Variants in ERFL observed in about 807,000 individuals in gnomAD.
ERFL encodes the protein ETS domain-containing transcription factor ERF-like.
A neutral mutation model predicts 27.9 loss-of-function variants in ERFL; 8 were observed. That is an observed-to-expected ratio of 0.29 (90% CI 0.17 to 0.52). The LOEUF (loss-of-function observed/expected upper bound fraction) is 0.52, where lower values mean the gene tolerates loss of function less well. Ranked by LOEUF, ERFL falls within the 20% of genes least tolerant of loss-of-function variation. The probability of loss-of-function intolerance (pLI) is 0.97; values close to 1 mark genes in which losing one functional copy is unlikely to be tolerated. For missense variants in ERFL, 294 were observed against 444.4 expected, an observed-to-expected ratio of 0.66 and a Z score of 3.04; for synonymous variants, 174 against 202.8, an observed-to-expected ratio of 0.86 and a Z score of 1.21.
chr19:41,915,561 G>A (rs1328119709), intron 1 of ERFL, among the ~76,000 whole-genome samples: 12 of 151,622 alleles, frequency 7.9e-5, no homozygotes, highest in Admixed American at 3.3e-4. Context: ...CCCTGTCTCC[G>A]TCTCCACATC....
Position 41,908,602 on chromosome 19 carries a change from A to T in ERFL, c.691T>A (p.Phe231Ile). ...GRAFPEYPWN[F>I]NPYLTGPFPK... The stretch of plus-strand genomic sequence containing the variant: ...AAGGGGCCCGTGAGGTACGGGTTAA[A>T]GTTCCAGGGGTACTCAGGGAAGGCG... Residue 231 changes from phenylalanine to isoleucine, a missense_variant, in exon 6 of 6, where the codon TTT becomes ATT. Coordinates refer to ENST00000597630, the MANE Select transcript of ERFL (RefSeq NM_001365103.2). This position sits in a 1 kb window ranked among gnomAD's most constrained non-coding sequence, Gnocchi z 6.7. 1 of 1,231,754 alleles carries T rather than the reference A, an allele frequency of 8.1e-7. No homozygotes were observed. Among genetic ancestry groups the T allele is most frequent in the Middle Eastern group, 3.1e-4 (1 of 3,212 alleles). 76.3% of individuals were successfully genotyped at this position (1,231,754 alleles called of 1,614,324 possible).
rs1465524979 is a variant in ERFL at position 41,908,874 on chromosome 19, G to GC, written c.616+185dup. On this transcript the variant is annotated intron_variant, in intron 5 of 5. Transcript: ENST00000597630. The surrounding 1 kb of genome is among the most constrained non-coding windows in gnomAD (Gnocchi z 6.7). ...TCCCATTCCTTAGGCACCCCTGAAA[G>GC]CCCCTGTCTCCCTCATTTCCCCTCC... 6.7e-6 allele frequency among the ~76,000 whole-genome samples: 1 copy of GC among 148,150 alleles called. No homozygotes were observed. Among genetic ancestry groups the GC allele is most frequent in the African/African-American group, 2.5e-5 (1 of 39,788 alleles).
chr19:41,919,299 C>T (rs541214225), intron 1 of ERFL, among the ~76,000 whole-genome samples: 45 of 152,276 alleles, frequency 3.0e-4, no homozygotes, highest in Non-Finnish European at 5.3e-4. Context: ...ACACAGACTT[C>T]GGCACAAGTT....
chr19:41,908,532 T>C lies in ERFL; in HGVS notation c.761A>G (p.Asn254Ser), dbSNP rs1599670038. Residue 254 changes from asparagine to serine, a missense_variant, in exon 6 of 6, where the codon AAC becomes AGC. Coordinates refer to ENST00000597630, the MANE Select transcript of ERFL (RefSeq NM_001365103.2). The surrounding 1 kb of genome is among the most constrained non-coding windows in gnomAD (Gnocchi z 6.7). Reference sequence around the variant, plus strand: ...GTGGCCCAGGGAACTGGCCAGAGGGTTGGGGTAGAAATGCGGGGGGTAGAG... The same window carrying C: ...GTGGCCCAGGGAACTGGCCAGAGGGCTGGGGTAGAAATGCGGGGGGTAGAG... ...PSLYPPHFYP[N>S]PLASSLGHLP... The C allele has an allele frequency of 1.5e-5, 18 of 1,231,212 alleles. No individual in the cohort carries two copies. The highest frequency in any genetic ancestry group is 3.2e-5 in the East Asian group (1 of 31,650). The allele number at this position is 1,231,212 out of a possible 1,614,324, so 76.3% of individuals were successfully genotyped here. A position where few individuals can be genotyped will look rare whatever the true frequency, so the allele number is the denominator to read the frequency against.
At position 41,908,146 on chromosome 19, in the gene ERFL, C is replaced by T. The variant is rs948379965; in HGVS notation, c.*82G>A. 33 of 1,124,294 alleles carry T rather than the reference C, an allele frequency of 2.9e-5. No individual in the cohort carries two copies. The highest frequency in any genetic ancestry group is 3.5e-5 in the Non-Finnish European group (31 of 889,900). The allele number at this position is 1,124,294 out of a possible 1,614,324, so 69.6% of individuals were successfully genotyped here. A position where few individuals can be genotyped will look rare whatever the true frequency, so the allele number is the denominator to read the frequency against. The stretch of plus-strand genomic sequence containing the variant: ...ACCTGGGAGGTGCTGAGGGCTGGTC[C>T]TGGGCCTTGGGCCAGGCATCAAGGG... On this transcript the variant is annotated 3_prime_UTR_variant, in exon 6 of 6. Transcript: ENST00000597630. The surrounding 1 kb of genome is among the most constrained non-coding windows in gnomAD (Gnocchi z 6.7).
At chr19:41,923,069 C>T in intron 1 of ERFL, 1 of 448,298 alleles carries the variant, frequency 2.2e-6, no homozygotes. Context: ...CCCCCTCTGA[C>T]CCAGGCCTTT....
At position 41,915,963 on chromosome 19, in the gene ERFL, C is replaced by G. The variant is rs376210275; in HGVS notation, c.-13-3031G>C. ...CTCCCCCCCGCCGGCCGGCGTGGTG[C>G]GGATGGGTACTCCAGGCAAGCTTTA... On this transcript the variant is annotated intron_variant, in intron 1 of 5. Coordinates refer to ENST00000597630, the MANE Select transcript of ERFL (RefSeq NM_001365103.2). Among the ~76,000 whole-genome samples the G allele has an allele frequency of 1.1e-4, 17 of 150,720 alleles. No homozygotes were observed. In the East Asian group the frequency reaches 1.8e-3, roughly 16 times the overall value.
chr19:41,921,796 G>A lies in ERFL; in HGVS notation c.-14+6244C>T, dbSNP rs868978355. On this transcript the variant is annotated intron_variant, in intron 1 of 5. Transcript: ENST00000597630. The surrounding 1 kb of genome is among the most constrained non-coding windows in gnomAD (Gnocchi z 4.4). ...CTAAGGTGTGGATTCCTCGTCCTCC[G>A]CCCCACCTCGCCCTTCTTCAGTCCT... Among the ~76,000 whole-genome samples the A allele has an allele frequency of 3.3e-5, 5 of 151,940 alleles. No homozygotes were observed. The South Asian group carries it at 6.2e-4, about 19-fold the overall frequency.
rs2074740721 is a variant in ERFL, at chr19:41,909,485, G to A, written c.303-14C>T. The A allele has an allele frequency of 8.0e-7, 1 of 1,248,670 alleles. No homozygotes were observed. Among genetic ancestry groups the A allele is most frequent in the Admixed American group, 4.1e-5 (1 of 24,690 alleles). 77.3% of individuals were successfully genotyped at this position (1,248,670 alleles called of 1,614,324 possible). A position where few individuals can be genotyped will look rare whatever the true frequency, so the allele number is the denominator to read the frequency against. ...TTGTAGTAGTAACTGTGGGGAGAGT[G>A]GTGGTGTTGGGGAGGTGCAGGGGGA... On this transcript the variant is annotated splice_polypyrimidine_tract_variant and intron_variant, in intron 3 of 5. Coordinates refer to ENST00000597630, the MANE Select transcript of ERFL (RefSeq NM_001365103.2). This position sits in a 1 kb window ranked among gnomAD's most constrained non-coding sequence, Gnocchi z 5.2.
At position 41,908,250 on chromosome 19, in the gene ERFL, C is replaced by A; in HGVS notation, c.1043G>T (p.Gly348Val). The change falls in exon 6 of 6, where the codon GGC becomes GTC. Residue 348 changes from glycine to valine, a missense_variant. This residue lies in a region of ERFL where 246 missense variants were observed against 371.4 expected (regional missense o/e 0.66). Coordinates refer to ENST00000597630, the MANE Select transcript of ERFL (RefSeq NM_001365103.2). The surrounding 1 kb of genome is among the most constrained non-coding windows in gnomAD (Gnocchi z 6.7). ...GLPAPPKAKA[G>V]KGGTGS ...GGCTCAGCTGCCGGTCCCCCCTTTGCCCGCCTTTGCCTTGGGGGGTGCCGG... is the reference window on the plus strand; with the variant it reads ...GGCTCAGCTGCCGGTCCCCCCTTTGACCGCCTTTGCCTTGGGGGGTGCCGG... 3.2e-6 allele frequency: 4 copies of A among 1,231,724 alleles called. No individual in the cohort carries two copies. Among genetic ancestry groups the A allele is most frequent in the Non-Finnish European group, 4.0e-6 (4 of 987,978 alleles). 76.3% of individuals were successfully genotyped at this position (1,231,724 alleles called of 1,614,324 possible). A position where few individuals can be genotyped will look rare whatever the true frequency, so the allele number is the denominator to read the frequency against.
chr19:41,923,116 G>A, intron 1 of ERFL: 1 of 456,336 alleles, frequency 2.2e-6, no homozygotes. Context: ...CACCACCTGT[G>A]AGGTAGGAAC....
At chr19:41,913,355 C>A (rs1483807543) in intron 1 of ERFL, among the ~76,000 whole-genome samples, 1 of 147,824 alleles carries the variant, frequency 6.8e-6, no homozygotes, top group African/African-American at 2.5e-5. Flanking sequence ...GTCGGTCGGT[C>A]CCTGCGTCTC....
rs2074882320 is a variant in ERFL, at chr19:41,928,031, C to T, written c.-14+9G>A. 1 of 152,176 alleles carries T rather than the reference C, an allele frequency of 6.6e-6. No individual in the cohort carries two copies. Among genetic ancestry groups the T allele is most frequent in the Non-Finnish European group, 1.5e-5 (1 of 68,058 alleles). The allele number at this position is 152,176 out of a possible 1,614,324, so 9.4% of individuals were successfully genotyped here. The stretch of plus-strand genomic sequence containing the variant: ...CCCCGCCCCTGCGCCGGCCGCGGCG[C>T]TCACTCACTTTCTGGGCTTTTCGCA... On this transcript the variant is annotated intron_variant, in intron 1 of 5. Coordinates refer to ENST00000597630, the MANE Select transcript of ERFL (RefSeq NM_001365103.2).
rs901377675 is a variant in ERFL at position 41,908,401 on chromosome 19, G to A, written c.892C>T (p.Arg298Cys). 130 of 1,231,146 alleles carry A rather than the reference G, an allele frequency of 1.1e-4. No individual in the cohort carries two copies. Among genetic ancestry groups the A allele is most frequent in the Non-Finnish European group, 1.2e-4 (117 of 987,654 alleles). The allele number at this position is 1,231,146 out of a possible 1,614,324, so 76.3% of individuals were successfully genotyped here. A position where few individuals can be genotyped will look rare whatever the true frequency, so the allele number is the denominator to read the frequency against. Residue 298 changes from arginine to cysteine, a missense_variant, in exon 6 of 6, where the codon CGC (arginine) becomes TGC (cysteine). Around this residue, in one of 3 missense-constraint regions of ERFL, gnomAD observed 246 missense variants for 371.4 expected, o/e 0.66. Coordinates refer to ENST00000597630, the MANE Select transcript of ERFL (RefSeq NM_001365103.2). This position sits in a 1 kb window ranked among gnomAD's most constrained non-coding sequence, Gnocchi z 6.7. ...ERPSGLAAAP[R>C]LALPGAGGPE... Reference sequence around the variant, plus strand: ...CCCCCAGCCCCTGGCAGCGCCAGGCGAGGGGCCGCTGCCAGGCCCGAGGGG... The same window carrying A: ...CCCCCAGCCCCTGGCAGCGCCAGGCAAGGGGCCGCTGCCAGGCCCGAGGGG...
chr19:41,920,405 C>A (rs182834904), intron 1 of ERFL, among the ~76,000 whole-genome samples: 44 of 138,454 alleles, frequency 3.2e-4, no homozygotes, highest in African/African-American at 1.1e-3. Flanking sequence ...AGATGTGACA[C>A]ACTCACAGAC....
chr19:41,913,702 G>A (rs1555851486), intron 1 of ERFL, among the ~76,000 whole-genome samples: 2 of 136,756 alleles, frequency 1.5e-5, no homozygotes, highest in Non-Finnish European at 3.2e-5. Context: ...CCCTCCCTCA[G>A]ACACTCCCTC....
intron 1 of ERFL, among the ~76,000 whole-genome samples, chr19:41,918,756 C>T (rs2074819580): frequency 6.7e-6 from 1 of 150,022 alleles, no homozygotes; most frequent in African/African-American, 2.5e-5. Context: ...ACACACACCA[C>T]ATATACATCT....
intron 2 of ERFL, 29 bp downstream of exon 2, chr19:41,912,824 A>G: frequency 8.8e-6 from 6 of 679,108 alleles, no homozygotes; most frequent in African/African-American, 2.2e-5. Flanking sequence ...GGGGTGGGGG[A>G]AGGGGTGGGG....
chr19:41,911,979 C>A (rs1003737806), intron 2 of ERFL, among the ~76,000 whole-genome samples: 7 of 151,990 alleles, frequency 4.6e-5, no homozygotes, highest in Non-Finnish European at 5.9e-5. Context: ...TGCATCCCCC[C>A]CACAGCCCCA....
Sources: gnomAD v4.1 joint callset for allele counts (sites outside exome capture counted in the v4.1 genomes callset) on GRCh38, gnomAD v4.1.1 for gene constraint, gnomAD v4.1.1 regional missense constraint, Gnocchi (gnomAD v3.1) non-coding constraint, MANE v1.5 for transcripts, NCBI Gene and HGNC (gene_info 2026-07-23, HGNC 2026-07-21) for gene names.